LDLRAD4: variants seen among roughly 807,000 people sequenced by gnomAD.
The protein encoded by LDLRAD4 is low-density lipoprotein receptor class A domain-containing protein 4.
A neutral mutation model predicts 17.0 loss-of-function variants in LDLRAD4; 5 were observed. The ratio of observed to expected loss-of-function variants is 0.29; its 90% CI spans 0.15 to 0.62. LDLRAD4 has a LOEUF of 0.62. LDLRAD4 is among the 20% of genes least tolerant of loss of function. The probability of loss-of-function intolerance (pLI) is 0.84; values close to 1 mark genes in which losing one functional copy is unlikely to be tolerated. For synonymous variants in LDLRAD4, 168 were observed against 171.8 expected (o/e 0.98, Z 0.17); for missense variants, 340 against 424.7 (o/e 0.80, Z 1.75).
upstream of LDLRAD4, among the ~76,000 whole-genome samples, chr18:13,276,329 C>G (rs1187995617): frequency 1.3e-5 from 2 of 152,164 alleles, no homozygotes; most frequent in African/African-American, 4.8e-5. Flanking sequence ...TTACATTTAT[C>G]AGTTTTCTGT....
chr18:13,563,152 C>T (rs943268689), intron 3 of LDLRAD4, among the ~76,000 whole-genome samples: 5 of 152,168 alleles, frequency 3.3e-5, no homozygotes, highest in Non-Finnish European at 5.9e-5. Context: ...TTTAGTAAAA[C>T]TTATTTTTAT....
intron 1 of LDLRAD4, among the ~76,000 whole-genome samples, chr18:13,317,230 A>G (rs1023757906): frequency 2.0e-5 from 3 of 152,216 alleles, no homozygotes; most frequent in African/African-American, 4.8e-5. Context: ...GGCAGGGTCT[A>G]TAGCCACAAA....
chr18:13,645,142 C>T lies in LDLRAD4; in HGVS notation c.406C>T (p.Arg136Trp), dbSNP rs371089156. Residue 136 changes from arginine (R) to tryptophan (W), a missense_variant, in exon 6 of 6, where the codon CGG (arginine) becomes TGG (tryptophan). Arg to Trp is a moderately radical substitution (Grantham distance 101). Transcript: ENST00000359446. The surrounding 1 kb of genome is among the most constrained non-coding windows in gnomAD (Gnocchi z 5.7). Reference sequence around the variant, plus strand: ...TTCCTTCCAGATCATGCATGCCCCGCGGTCCAGGGACAGGTTCACAGCGCC... The same window carrying T: ...TTCCTTCCAGATCATGCATGCCCCGTGGTCCAGGGACAGGTTCACAGCGCC... 93 of 1,609,506 alleles carry T rather than the reference C, an allele frequency of 5.8e-5. No individual in the cohort carries two copies. The highest frequency in any genetic ancestry group is 7.2e-5 in the Non-Finnish European group (85 of 1,177,022).
intron 1 of LDLRAD4, among the ~76,000 whole-genome samples, chr18:13,369,845 C>A (rs1284169360): frequency 6.6e-6 from 1 of 152,192 alleles, no homozygotes; most frequent in Non-Finnish European, 1.5e-5. Flanking sequence ...GATACAGATG[C>A]CTCCTCCCAT....
intron 1 of LDLRAD4, among the ~76,000 whole-genome samples, chr18:13,235,852 C>G (rs2042306918): frequency 6.6e-6 from 1 of 152,090 alleles, no homozygotes; most frequent in Admixed American, 6.5e-5. Flanking sequence ...GTTTGAACCT[C>G]CACCCGGAGA....
At position 13,371,535 on chromosome 18, in the gene LDLRAD4, G is replaced by A. The variant is rs149814369; in HGVS notation, c.-382-15806G>A. On this transcript the variant is annotated intron_variant, in intron 1 of 5. Coordinates refer to ENST00000359446, the Ensembl canonical transcript of LDLRAD4. Reference sequence around the variant, plus strand: ...TGTAATCCCAGCACTTTGGGAGGCCGAAGCGGGTGGATCACTTGAGGTCAG... The same window carrying A: ...TGTAATCCCAGCACTTTGGGAGGCCAAAGCGGGTGGATCACTTGAGGTCAG... Among the ~76,000 whole-genome samples the A allele has an allele frequency of 9.6e-3, 1,468 of 152,256 alleles. 25 individuals carry two copies. Among genetic ancestry groups the A allele is most frequent in the Middle Eastern group, 0.034 (10 of 294 alleles).
intron 3 of LDLRAD4, among the ~76,000 whole-genome samples, chr18:13,603,123 G>A (rs1396591621): frequency 6.6e-6 from 1 of 152,016 alleles, no homozygotes; most frequent in East Asian, 1.9e-4. Flanking sequence ...CGTCTTTTTA[G>A]GGCCCAAGAT....
intron 1 of LDLRAD4, chr18:13,362,306 C>T (rs2083728342): frequency 1.3e-5 from 2 of 152,212 alleles, no homozygotes; most frequent in African/African-American, 4.8e-5. Flanking sequence ...TCGTGCTTTC[C>T]TATGATTGTG....
chr18:13,454,165 C>T (rs1460327788), intron 3 of LDLRAD4, among the ~76,000 whole-genome samples: 1 of 152,156 alleles, frequency 6.6e-6, no homozygotes, highest in Non-Finnish European at 1.5e-5. Context: ...CTGTTAGATG[C>T]GCAAGCAGAC....
chr18:13,422,379 T>G (rs938612791), intron 2 of LDLRAD4, among the ~76,000 whole-genome samples: 9 of 152,158 alleles, frequency 5.9e-5, no homozygotes, highest in African/African-American at 2.2e-4. Flanking sequence ...TAAAGAGAGA[T>G]ATTCCTGCAA....
chr18:13,252,058 A>G (rs1355595202), intron 1 of LDLRAD4, among the ~76,000 whole-genome samples: 1 of 152,236 alleles, frequency 6.6e-6, no homozygotes, highest in Admixed American at 6.5e-5. Flanking sequence ...TCCCAGGAGA[A>G]ACAGTCTGCA....
chr18:13,386,943 GATAGA>G lies in LDLRAD4; in HGVS notation c.-382-397_-382-393del, dbSNP rs1568082955. ...AGATAGATAGATAGATAGATAGATA[GATAGA>G]TGGATGGATGGATAGATAAGATAGA... On this transcript the variant is annotated intron_variant, in intron 1 of 5. Transcript: ENST00000359446. Among the ~76,000 whole-genome samples, 807 of 119,220 alleles carry G rather than the reference GATAGA, an allele frequency of 6.8e-3. 5 individuals carry two copies. Among genetic ancestry groups the G allele is most frequent in the African/African-American group, 0.033 (778 of 23,636 alleles). 78.2% of individuals were successfully genotyped at this position (119,220 alleles called of 152,430 possible). A position where few individuals can be genotyped will look rare whatever the true frequency, so the allele number is the denominator to read the frequency against.
intron 2 of LDLRAD4, among the ~76,000 whole-genome samples, chr18:13,399,026 C>T (rs1309920821): frequency 6.6e-6 from 1 of 152,074 alleles, no homozygotes; most frequent in Non-Finnish European, 1.5e-5. Context: ...ATTGCTTGAG[C>T]CCAGGAGTTC....
rs555496627 is a variant in LDLRAD4 at position 13,502,469 on chromosome 18, C to T, written c.181+64085C>T. 2.1e-3 allele frequency among the ~76,000 whole-genome samples: 327 copies of T among 152,326 alleles called. 2 individuals carry two copies. The highest frequency in any genetic ancestry group is 3.0e-3 in the Admixed American group (46 of 15,308). ...CAAACTTTTGTGTATGAAGTTCGTA[C>T]AAGGCACTAAGTCATTTAAAACATT... On this transcript the variant is annotated intron_variant, in intron 3 of 5. Coordinates refer to ENST00000359446, the Ensembl canonical transcript of LDLRAD4.
intron 3 of LDLRAD4, among the ~76,000 whole-genome samples, chr18:13,580,982 C>T (rs1431604976): frequency 6.6e-6 from 1 of 152,178 alleles, no homozygotes; most frequent in Non-Finnish European, 1.5e-5. Flanking sequence ...TGTCCTGTAT[C>T]CAAAATGCTT....
At chr18:13,365,700 T>C (rs938368827) in intron 1 of LDLRAD4, among the ~76,000 whole-genome samples, 6 of 152,260 alleles carry the variant, frequency 3.9e-5, no homozygotes, top group African/African-American at 1.4e-4. Flanking sequence ...GCACTGCCTG[T>C]CTCAAAGTCA....
At chr18:13,278,760 C>G (rs988695548) in intron 1 of LDLRAD4, among the ~76,000 whole-genome samples, 1 of 152,180 alleles carries the variant, frequency 6.6e-6, no homozygotes, top group Non-Finnish European at 1.5e-5. Context: ...AAGGACCTCC[C>G]TCTCTCCCGC....
intron 3 of LDLRAD4, among the ~76,000 whole-genome samples, chr18:13,481,647 A>G (rs187095704): frequency 7.5e-4 from 114 of 152,200 alleles, no homozygotes; most frequent in Admixed American, 1.2e-3. Flanking sequence ...CTCGCTGGAC[A>G]CCATGGCTCA....
At chr18:13,629,290 G>T (rs1000145594) in intron 4 of LDLRAD4, among the ~76,000 whole-genome samples, 1 of 152,180 alleles carries the variant, frequency 6.6e-6, no homozygotes, top group Non-Finnish European at 1.5e-5. Context: ...GTTAAGTCTT[G>T]TTCATTATAT....
Sources: gnomAD v4.1 joint callset for allele counts (sites outside exome capture counted in the v4.1 genomes callset) on GRCh38, gnomAD v4.1.1 for gene constraint, Gnocchi (gnomAD v3.1) non-coding constraint, MANE v1.5 for transcripts, NCBI Gene and HGNC (gene_info 2026-07-23, HGNC 2026-07-21) for gene names.